The following MTMR4 variants were observed in gnomAD, a reference collection of about 807,000 sequenced individuals.
The protein encoded by MTMR4 is myotubularin related protein 4.
In MTMR4, 30 loss-of-function variants were observed where a neutral mutation model predicts 125.5. That is an observed-to-expected ratio of 0.24 (90% CI 0.18 to 0.32). The LOEUF is 0.32. Among genes scored for constraint, MTMR4 ranks in the 10% least tolerant of loss-of-function variants. MTMR4 has a pLI of 1.00. For synonymous variants in MTMR4, 498 were observed against 564.5 expected, an observed-to-expected ratio of 0.88 and a Z score of 1.67; for missense variants, 1,039 against 1,511.5, an observed-to-expected ratio of 0.69 and a Z score of 5.18.
chr17:58,505,251 G>T (rs1278128822), intron 10 of MTMR4, among the ~76,000 whole-genome samples: 2 of 152,188 alleles, frequency 1.3e-5, no homozygotes, highest in Non-Finnish European at 2.9e-5. Context: ...TCTTTGAGTA[G>T]AACAACTGAT....
At position 58,492,916 on chromosome 17, in the gene MTMR4, C is replaced by A. The variant is rs746740898; in HGVS notation, c.3289G>T (p.Asp1097Tyr). ...LKESDGSDTE[D>Y]FGSDHSEDCL... ...TCTTCACTGTGATCAGAGCCAAAAT[C>A]CTCAGTATCACTGCCATCTGACTCC... Residue 1097 changes from aspartate to tyrosine, a missense_variant, in exon 16 of 18, where the codon GAT becomes TAT. Physicochemically the swap from Asp to Tyr is radical, Grantham distance 160. Transcript: ENST00000682306. The A allele has an allele frequency of 6.2e-7, 1 of 1,614,216 alleles. No individual in the cohort carries two copies. The highest frequency in any genetic ancestry group is 1.7e-5 in the Admixed American group (1 of 60,026).
At position 58,492,840 on chromosome 17, in the gene MTMR4, A is replaced by G; in HGVS notation, c.3363+2T>C. 1.2e-6 allele frequency: 2 copies of G among 1,613,506 alleles called. No homozygotes were observed. The highest frequency in any genetic ancestry group is 1.7e-6 in the Non-Finnish European group (2 of 1,179,402). ...ACCCACCACATATGTGCCTAAACAT[A>G]CCTCAGTCTCTTTCTTATCAACAGG... On this transcript the variant is annotated splice_donor_variant, in intron 16 of 17. Transcript: ENST00000682306. LOFTEE classifies it high-confidence loss of function.
At position 58,495,268 on chromosome 17, in the gene MTMR4, A is replaced by G. The variant is rs762717282; in HGVS notation, c.2916T>C (p.Gly972=). 6.2e-7 allele frequency: 1 copy of G among 1,614,070 alleles called. No homozygotes were observed. Among genetic ancestry groups the G allele is most frequent in the Admixed American group, 1.7e-5 (1 of 60,022 alleles). The part of the protein sequence containing the change: ...CFGGQWAQRE[G]VKSPVCSSHS... ...GACTAGAACAGACAGGTGACTTCAC[A>G]CCTTCTCTCTGAGCCCACTGGCCCC... The change falls in exon 15 of 18, where the codon GGT becomes GGC. Residue 972 remains glycine (G), a synonymous_variant. Coordinates refer to ENST00000682306, the MANE Select transcript of MTMR4 (RefSeq NM_001378067.1).
chr17:58,508,804 G>A lies in MTMR4; in HGVS notation c.373C>T (p.Leu125Phe), dbSNP rs1338518103. ...FSTFKQCQEW[L>F]SRLSRATARP... Reference sequence around the variant, plus strand: ...GCTGTGGCTCGGCTTAGCCGTGAGAGCCACTCTTGGCACTGCTTAAAAGTG... The same window carrying A: ...GCTGTGGCTCGGCTTAGCCGTGAGAACCACTCTTGGCACTGCTTAAAAGTG... Residue 125 changes from leucine to phenylalanine, a missense_variant, in exon 5 of 18, where the codon CTC (leucine) becomes TTC (phenylalanine). By Grantham distance (22) the Leu-to-Phe change is conservative. This residue lies in a region of MTMR4 where 202 missense variants were observed against 311.9 expected (regional missense o/e 0.65). Coordinates refer to ENST00000682306, the MANE Select transcript of MTMR4 (RefSeq NM_001378067.1). The surrounding 1 kb of genome is among the most constrained non-coding windows in gnomAD (Gnocchi z 4.8). 4.3e-6 allele frequency: 7 copies of A among 1,614,066 alleles called. No individual in the cohort carries two copies. The highest frequency in any genetic ancestry group is 2.2e-5 in the East Asian group (1 of 44,874).
chr17:58,502,217 C>T (rs1400471004), intron 14 of MTMR4, among the ~76,000 whole-genome samples: 4 of 145,076 alleles, frequency 2.8e-5, no homozygotes, highest in African/African-American at 1.0e-4. Flanking sequence ...GAGTGCGTGG[C>T]GTGATCTTGG....
intron 4 of MTMR4, among the ~76,000 whole-genome samples, chr17:58,509,126 G>A (rs1490453082): frequency 6.6e-6 from 1 of 152,046 alleles, no homozygotes; most frequent in African/African-American, 2.4e-5. Flanking sequence ...ATGCTACCAT[G>A]TGGCCCTGAA....
At position 58,508,016 on chromosome 17, in the gene MTMR4, AAGAT is replaced by A; in HGVS notation, c.707+141_707+144del. 1.7e-6 allele frequency: 1 copy of A among 604,454 alleles called. No homozygotes were observed. The highest frequency in any genetic ancestry group is 2.9e-6 in the Non-Finnish European group (1 of 344,350). The allele number at this position is 604,454 out of a possible 1,614,324, so 37.4% of individuals were successfully genotyped here. A position where few individuals can be genotyped will look rare whatever the true frequency, so the allele number is the denominator to read the frequency against. ...AGCCTTATTCTTAGGAGAAAAAACT[AAGAT>A]AGTTTTTGTTTTAAAGTTATTTCAT... On this transcript the variant is annotated intron_variant, in intron 7 of 17. Coordinates refer to ENST00000682306, the MANE Select transcript of MTMR4 (RefSeq NM_001378067.1). This position sits in a 1 kb window ranked among gnomAD's most constrained non-coding sequence, Gnocchi z 4.8.
Position 58,496,031 on chromosome 17 carries a change from A to G in MTMR4, c.2153T>C (p.Leu718Pro), listed in dbSNP as rs1031608855. Residue 718 changes from leucine to proline, a missense_variant, in exon 15 of 18, where the codon CTG (leucine) becomes CCG (proline). Leu to Pro is a moderately conservative substitution (Grantham distance 98). Coordinates refer to ENST00000682306, the MANE Select transcript of MTMR4 (RefSeq NM_001378067.1). ...TTCCCGAGGCACTGCGGTATTAAGC[A>G]GTTTGTAACTTGGAGAACAGCTTTT... Reference protein sequence around the residue: ...SHKSCSPSYKLLNTAVPREMK... With the variant: ...SHKSCSPSYKPLNTAVPREMK... 18 of 1,613,992 alleles carry G rather than the reference A, an allele frequency of 1.1e-5. No individual in the cohort carries two copies. Among genetic ancestry groups the G allele is most frequent in the Non-Finnish European group, 1.4e-5 (17 of 1,180,044 alleles).
chr17:58,496,741 T>C (rs1975478297), intron 14 of MTMR4, among the ~76,000 whole-genome samples: 1 of 152,168 alleles, frequency 6.6e-6, no homozygotes, highest in Non-Finnish European at 1.5e-5. Flanking sequence ...AGAAAGAAGA[T>C]GGGTTTTGGA....
chr17:58,505,366 A>T, intron 10 of MTMR4, 106 bp downstream of exon 10: 1 of 949,992 alleles, frequency 1.1e-6, no homozygotes, highest in Non-Finnish European at 1.6e-6. Flanking sequence ...CCAGGCCCTC[A>T]GGTCTCCTGC....
rs761549268 is a variant in MTMR4, at chr17:58,495,036, C to T, written c.3148G>A (p.Val1050Met). 1 of 1,614,106 alleles carries T rather than the reference C, an allele frequency of 6.2e-7. No homozygotes were observed. The highest frequency in any genetic ancestry group is 8.5e-7 in the Non-Finnish European group (1 of 1,180,046). The change falls in exon 15 of 18, where the codon GTG (valine) becomes ATG (methionine). Residue 1050 changes from valine to methionine, a missense_variant. Physicochemically the swap from Val to Met is conservative, Grantham distance 21. Around this residue, in one of 6 missense-constraint regions of MTMR4, gnomAD observed 619 missense variants for 714.5 expected, o/e 0.87. Transcript: ENST00000682306. ...RQIEAGYKQE[V>M]EQLRRQVREL... The stretch of plus-strand genomic sequence containing the variant: ...CGCACCTGTCGACGTAGCTGCTCCA[C>T]CTCTTGTTTGTACCCTGCTTCGATT...
chr17:58,507,645 C>T (rs116087723), intron 7 of MTMR4, among the ~76,000 whole-genome samples: 2,353 of 152,320 alleles, frequency 0.015, 75 homozygotes, highest in African/African-American at 0.054. Context: ...AGGGTTACTT[C>T]CTGTCTCACT....
At chr17:58,511,331 GC>G in intron 4 of MTMR4, 97 bp downstream of exon 4, 3 of 1,097,156 alleles carry the variant, frequency 2.7e-6, no homozygotes, top group Non-Finnish European at 3.9e-6. Context: ...GGAAAGTGAG[GC>G]AGGATCTTTC....
rs899339899 is a variant in MTMR4, at chr17:58,504,706, C to T, written c.1341+73G>A. The T allele has an allele frequency of 5.4e-6, 8 of 1,488,414 alleles. No individual in the cohort carries two copies. Among genetic ancestry groups the T allele is most frequent in the Admixed American group, 4.2e-5 (2 of 47,380 alleles). The allele number at this position is 1,488,414 out of a possible 1,614,324, so 92.2% of individuals were successfully genotyped here. On this transcript the variant is annotated intron_variant, in intron 11 of 17. Transcript: ENST00000682306. This position sits in a 1 kb window ranked among gnomAD's most constrained non-coding sequence, Gnocchi z 7.1. ...GTCCTCTACTGAAAGATCCCCAGGACAGATCCAGAGGGCTCAACACCTTCC... is the reference window on the plus strand; with the variant it reads ...GTCCTCTACTGAAAGATCCCCAGGATAGATCCAGAGGGCTCAACACCTTCC...
At position 58,495,887 on chromosome 17, in the gene MTMR4, G is replaced by T. The variant is rs1160278368; in HGVS notation, c.2297C>A (p.Pro766His). The T allele has an allele frequency of 6.2e-7, 1 of 1,614,152 alleles. No homozygotes were observed. The highest frequency in any genetic ancestry group is 1.1e-5 in the South Asian group (1 of 91,092). ...AGCTTCTGTTTCAGGACAATGTTCA[G>T]GTGGCTCCCCTATGCCATCTAAAGT... Reference protein sequence around the residue: ...GRTLDGIGEPPEHCPETEAVS... With the variant: ...GRTLDGIGEPHEHCPETEAVS... Residue 766 changes from proline (P) to histidine (H), a missense_variant, in exon 15 of 18, where the codon CCT (proline) becomes CAT (histidine). This residue lies in a region of MTMR4 where 619 missense variants were observed against 714.5 expected (regional missense o/e 0.87). Transcript: ENST00000682306.
In MTMR4 at chr17:58,507,182, G is replaced by A; in HGVS notation, c.845C>T (p.Thr282Ile). 1 of 1,614,184 alleles carries A rather than the reference G, an allele frequency of 6.2e-7. No homozygotes were observed. Among genetic ancestry groups the A allele is most frequent in the African/African-American group, 1.3e-5 (1 of 75,040 alleles). ...ATTCCCGGTGCTGAGGGAGCCCCCAGTGGCCCTTGTCCCCGGGTCCAGGGC... is the reference window on the plus strand; with the variant it reads ...ATTCCCGGTGCTGAGGGAGCCCCCAATGGCCCTTGTCCCCGGGTCCAGGGC... The part of the protein sequence containing the change: ...ACALDPGTRA[T>I]GGSLSTGNND... Residue 282 changes from threonine to isoleucine, a missense_variant, in exon 8 of 18, where the codon ACT becomes ATT. Thr to Ile is a moderately conservative substitution (Grantham distance 89). Around this residue, in one of 6 missense-constraint regions of MTMR4, gnomAD observed 49 missense variants for 68.4 expected, o/e 0.72. Transcript: ENST00000682306.
At position 58,512,887 on chromosome 17, in the gene MTMR4, G is replaced by C. The variant is rs201265445; in HGVS notation, c.100C>G (p.Pro34Ala). ...EYIQAKDLFP[P>A]KELVKEEENL... ...TCTTCCTCCTTCACTAGTTCCTTGG[G>C]GGGGAACAGATCCTTGGCTTGGATG... Residue 34 changes from proline (P) to alanine (A), a missense_variant, in exon 2 of 18, where the codon CCC becomes GCC. This residue lies in a region of MTMR4 where 202 missense variants were observed against 311.9 expected (regional missense o/e 0.65). Transcript: ENST00000682306. This position sits in a 1 kb window ranked among gnomAD's most constrained non-coding sequence, Gnocchi z 4.1. The C allele has an allele frequency of 4.8e-5, 78 of 1,612,556 alleles. No individual in the cohort carries two copies. Among genetic ancestry groups the C allele is most frequent in the Non-Finnish European group, 6.3e-5 (74 of 1,179,400 alleles).
At chr17:58,505,611 TA>T (rs1567933935) in intron 9 of MTMR4, 28 bp from the exon 10 acceptor site, 5 of 1,566,846 alleles carry the variant, frequency 3.2e-6, no homozygotes, top group Non-Finnish European at 4.4e-6. Context: ...GAGTGGGACA[TA>T]AAAGCACGTC....
At chr17:58,505,297 A>G (rs1469477206) in intron 10 of MTMR4, among the ~76,000 whole-genome samples, 175 bp downstream of exon 10, 3 of 152,204 alleles carry the variant, frequency 2.0e-5, no homozygotes, top group South Asian at 4.1e-4. Flanking sequence ...TGACCACGCC[A>G]AAGTGTTGGC....
Sources: allele counts gnomAD v4.1 joint callset (sites outside exome capture counted in the v4.1 genomes callset), GRCh38; gene constraint gnomAD v4.1.1; regional missense constraint gnomAD v4.1.1; non-coding constraint Gnocchi (gnomAD v3.1); transcripts MANE v1.5; gene names NCBI Gene and HGNC (gene_info 2026-07-23, HGNC 2026-07-21).